The following SCD variants were observed in gnomAD, a reference collection of about 807,000 sequenced individuals.
SCD encodes the protein acyl-CoA desaturase.
In SCD, 4 loss-of-function variants were observed where a neutral mutation model predicts 35.7. The ratio of observed to expected loss-of-function variants is 0.11; its 90% CI spans 0.06 to 0.26. The LOEUF is 0.26. Ranked by LOEUF, SCD falls within the 10% of genes least tolerant of loss-of-function variation. SCD has a pLI of 1.00. For synonymous variants in SCD, 150 were observed against 170.2 expected, an observed-to-expected ratio of 0.88 and a Z score of 0.92; for missense variants, 282 against 460.7, an observed-to-expected ratio of 0.61 and a Z score of 3.55.
At chr10:100,358,572 C>T (rs1173761858) in intron 5 of SCD, among the ~76,000 whole-genome samples, 1 of 129,988 alleles carries the variant, frequency 7.7e-6, no homozygotes, top group East Asian at 2.3e-4. Context: ...GCAGTCCGGC[C>T]TGGGCGACAG....
chr10:100,348,381 C>G, intron 2 of SCD, 35 bp downstream of exon 2: 1 of 1,593,698 alleles, frequency 6.3e-7, no homozygotes, highest in East Asian at 2.2e-5. Flanking sequence ...ACCTAGTCCT[C>G]CAGGTACTCA....
In SCD at chr10:100,352,632, TTCCAGTTCAG is replaced by T. The variant is rs1849884038; in HGVS notation, c.441+140_441+149del. On this transcript the variant is annotated intron_variant, in intron 3 of 5. Transcript: ENST00000370355. The surrounding 1 kb of genome is among the most constrained non-coding windows in gnomAD (Gnocchi z 4.2). ...TCCTCTCTCCTGTAGTCACCTCAAGTTCCAGTTCAGTCCTTAAGTCCATAAAGCATGAAGA... is the reference window on the plus strand; with the variant it reads ...TCCTCTCTCCTGTAGTCACCTCAAGTTCCTTAAGTCCATAAAGCATGAAGA... The T allele has an allele frequency of 3.7e-6, 3 of 812,978 alleles. No homozygotes were observed. Among genetic ancestry groups the T allele is most frequent in the Admixed American group, 4.4e-5 (2 of 45,718 alleles). The allele number at this position is 812,978 out of a possible 1,614,324, so 50.4% of individuals were successfully genotyped here. A position where few individuals can be genotyped will look rare whatever the true frequency, so the allele number is the denominator to read the frequency against.
At chr10:100,358,186 A>G (rs1849948634) in intron 5 of SCD, among the ~76,000 whole-genome samples, 1 of 151,972 alleles carries the variant, frequency 6.6e-6, no homozygotes, top group Non-Finnish European at 1.5e-5. Context: ...TTTTTTGTAG[A>G]GACATGGTTT....
rs1336560358 is a variant in SCD, at chr10:100,360,803, T to C, written c.950T>C (p.Ile317Thr). Residue 317 changes from isoleucine (I) to threonine (T), a missense_variant, in exon 6 of 6, where the codon ATC becomes ACC. Ile to Thr is a moderately conservative substitution (Grantham distance 89, BLOSUM62 -1). Coordinates refer to ENST00000370355, the MANE Select transcript of SCD (RefSeq NM_005063.5). Reference protein sequence around the residue: ...DYSASEYRWHINFTTFFIDCM... With the variant: ...DYSASEYRWHTNFTTFFIDCM... ...TCTGCCAGTGAGTACCGCTGGCACA[T>C]CAACTTCACCACATTCTTCATTGAT... 5 of 1,613,998 alleles carry C rather than the reference T, an allele frequency of 3.1e-6. No individual in the cohort carries two copies. Among genetic ancestry groups the C allele is most frequent in the East Asian group, 4.5e-5 (2 of 44,884 alleles).
Position 100,347,446 on chromosome 10 carries a change from C to A in SCD, c.-59C>A. 3 of 1,595,454 alleles carry A rather than the reference C, an allele frequency of 1.9e-6. No homozygotes were observed. The highest frequency in any genetic ancestry group is 2.3e-5 in the East Asian group (1 of 44,250). On this transcript the variant is annotated 5_prime_UTR_variant, in exon 1 of 6. Coordinates refer to ENST00000370355, the MANE Select transcript of SCD (RefSeq NM_005063.5). ...CGAAACCGCAGTCCTCCGGCGACCC[C>A]GAACTCCGCTCCGGAGCCTCAGCCC...
In SCD at chr10:100,364,420, A is replaced by G; in HGVS notation, c.*3487A>G. On this transcript the variant is annotated 3_prime_UTR_variant, in exon 6 of 6. Transcript: ENST00000370355. ...CTACCTCAAAGGGCAGTTTTGAGGC[A>G]TGACTAATGCTTTTTAGAAAGCATT... The G allele has an allele frequency of 6.5e-6, 1 of 152,746 alleles. No homozygotes were observed. Among genetic ancestry groups the G allele is most frequent in the Non-Finnish European group, 1.5e-5 (1 of 68,036 alleles). The allele number at this position is 152,746 out of a possible 1,614,324, so 9.5% of individuals were successfully genotyped here. A position where few individuals can be genotyped will look rare whatever the true frequency, so the allele number is the denominator to read the frequency against.
rs561055767 is a variant in SCD, at chr10:100,352,292, A to C, written c.311-74A>C. The C allele has an allele frequency of 6.7e-7, 1 of 1,494,246 alleles. No individual in the cohort carries two copies. The highest frequency in any genetic ancestry group is 1.4e-5 in the African/African-American group (1 of 72,560). The allele number at this position is 1,494,246 out of a possible 1,614,324, so 92.6% of individuals were successfully genotyped here. A position where few individuals can be genotyped will look rare whatever the true frequency, so the allele number is the denominator to read the frequency against. ...GACGAAGACAGTTTCTAGCATCCAG[A>C]GAGTGTCTCTGGCATCCTTTCCCAG... is the stretch of plus-strand genomic sequence containing the variant. On this transcript the variant is annotated intron_variant, in intron 2 of 5. Coordinates refer to ENST00000370355, the MANE Select transcript of SCD (RefSeq NM_005063.5). This position sits in a 1 kb window ranked among gnomAD's most constrained non-coding sequence, Gnocchi z 4.2.
chr10:100,356,449 C>G lies in SCD; in HGVS notation c.648-83C>G. On this transcript the variant is annotated intron_variant, in intron 4 of 5. Coordinates refer to ENST00000370355, the MANE Select transcript of SCD (RefSeq NM_005063.5). The surrounding 1 kb of genome is among the most constrained non-coding windows in gnomAD (Gnocchi z 4.1). Reference sequence around the variant, plus strand: ...CAATTCAACATGGAAGAAAGACAGCCCATCCCCTCCCAATTAGTGTGGAAG... The same window carrying G: ...CAATTCAACATGGAAGAAAGACAGCGCATCCCCTCCCAATTAGTGTGGAAG... 1 of 883,004 alleles carries G rather than the reference C, an allele frequency of 1.1e-6. No homozygotes were observed. Among genetic ancestry groups the G allele is most frequent in the Non-Finnish European group, 1.8e-6 (1 of 542,332 alleles). The allele number at this position is 883,004 out of a possible 1,614,324, so 54.7% of individuals were successfully genotyped here.
rs1849928002 is a variant in SCD at position 100,356,410 on chromosome 10, T to A, written c.648-122T>A. 1 of 736,126 alleles carries A rather than the reference T, an allele frequency of 1.4e-6. No homozygotes were observed. The highest frequency in any genetic ancestry group is 2.4e-6 in the Non-Finnish European group (1 of 425,000). The allele number at this position is 736,126 out of a possible 1,614,324, so 45.6% of individuals were successfully genotyped here. On this transcript the variant is annotated intron_variant, in intron 4 of 5. Transcript: ENST00000370355. This position sits in a 1 kb window ranked among gnomAD's most constrained non-coding sequence, Gnocchi z 4.1. ...ACAAAAATAAATAAAACAATGAACT[T>A]AGAGTCAGACAAGCAATTCAACATG... is the stretch of plus-strand genomic sequence containing the variant.
intron 3 of SCD, among the ~76,000 whole-genome samples, chr10:100,353,098 G>A (rs1276612202): frequency 6.6e-6 from 1 of 152,152 alleles, no homozygotes; most frequent in East Asian, 1.9e-4. Context: ...CACTTTTATT[G>A]CACTGACTAT....
rs991706613 is a variant in SCD, at chr10:100,352,618, G to A, written c.441+122G>A. The A allele has an allele frequency of 3.7e-5, 34 of 916,128 alleles. No individual in the cohort carries two copies. The African/African-American group carries it at 5.6e-4, about 15-fold the overall frequency. The allele number at this position is 916,128 out of a possible 1,614,324, so 56.7% of individuals were successfully genotyped here. Reference sequence around the variant, plus strand: ...CAGCCATTTCACTTTCCTCTCTCCTGTAGTCACCTCAAGTTCCAGTTCAGT... The same window carrying A: ...CAGCCATTTCACTTTCCTCTCTCCTATAGTCACCTCAAGTTCCAGTTCAGT... On this transcript the variant is annotated intron_variant, in intron 3 of 5. Transcript: ENST00000370355. This position sits in a 1 kb window ranked among gnomAD's most constrained non-coding sequence, Gnocchi z 4.2.
In SCD at chr10:100,347,927, C is replaced by T. The variant is rs1209121205; in HGVS notation, c.28-137C>T. The T allele has an allele frequency of 9.2e-6, 8 of 873,888 alleles. No homozygotes were observed. The East Asian group carries it at 9.8e-5, about 11-fold the overall frequency. 54.1% of individuals were successfully genotyped at this position (873,888 alleles called of 1,614,324 possible). A position where few individuals can be genotyped will look rare whatever the true frequency, so the allele number is the denominator to read the frequency against. On this transcript the variant is annotated intron_variant, in intron 1 of 5. Coordinates refer to ENST00000370355, the MANE Select transcript of SCD (RefSeq NM_005063.5). ...TTTTCTCCGTTGCGTCTCGGATACA[C>T]CCTACCCTCAGTGAACTACGGCGCT...
chr10:100,363,653 C>T lies in SCD; in HGVS notation c.*2720C>T, dbSNP rs916494754. 4 of 152,512 alleles carry T rather than the reference C, an allele frequency of 2.6e-5. No individual in the cohort carries two copies. Among genetic ancestry groups the T allele is most frequent in the African/African-American group, 7.2e-5 (3 of 41,558 alleles). 9.4% of individuals were successfully genotyped at this position (152,512 alleles called of 1,614,324 possible). On this transcript the variant is annotated 3_prime_UTR_variant, in exon 6 of 6. Coordinates refer to ENST00000370355, the MANE Select transcript of SCD (RefSeq NM_005063.5). ...GCCATGGATCTGATCTGTACCATGACCCTACATAAGGCTGGATGGCACCTC... is the reference window on the plus strand; with the variant it reads ...GCCATGGATCTGATCTGTACCATGATCCTACATAAGGCTGGATGGCACCTC...
In SCD at chr10:100,356,543, C is replaced by G; in HGVS notation, c.659C>G (p.Pro220Arg). ...LVMFQRRYYKPGLLMMCFILP... is the reference protein window; with the variant it reads ...LVMFQRRYYKRGLLMMCFILP... ...GTCTGTCAATGTAGGTACTACAAACCTGGCTTGCTGATGATGTGCTTCATC... is the reference window on the plus strand; with the variant it reads ...GTCTGTCAATGTAGGTACTACAAACGTGGCTTGCTGATGATGTGCTTCATC... Residue 220 changes from proline (P) to arginine (R), a missense_variant, in exon 5 of 6, where the codon CCT becomes CGT. Pro to Arg is a moderately radical substitution (Grantham distance 103, BLOSUM62 -2). Coordinates refer to ENST00000370355, the MANE Select transcript of SCD (RefSeq NM_005063.5). This position sits in a 1 kb window ranked among gnomAD's most constrained non-coding sequence, Gnocchi z 4.1. 1 of 1,613,958 alleles carries G rather than the reference C, an allele frequency of 6.2e-7. No individual in the cohort carries two copies. The highest frequency in any genetic ancestry group is 8.5e-7 in the Non-Finnish European group (1 of 1,179,830).
In SCD at chr10:100,363,439, G is replaced by C. The variant is rs1416274575; in HGVS notation, c.*2506G>C. ...GTTAGCCTGGACTAAAGGCATCCTT[G>C]TCTTTTGAGCTATTCACCTCAGTAG... On this transcript the variant is annotated 3_prime_UTR_variant, in exon 6 of 6. Coordinates refer to ENST00000370355, the MANE Select transcript of SCD (RefSeq NM_005063.5). 6.6e-6 allele frequency: 1 copy of C among 152,202 alleles called. No individual in the cohort carries two copies. Among genetic ancestry groups the C allele is most frequent in the African/African-American group, 2.4e-5 (1 of 41,426 alleles). The allele number at this position is 152,202 out of a possible 1,614,324, so 9.4% of individuals were successfully genotyped here. A position where few individuals can be genotyped will look rare whatever the true frequency, so the allele number is the denominator to read the frequency against.
chr10:100,349,087 G>A (rs1849843074), intron 2 of SCD, among the ~76,000 whole-genome samples: 1 of 152,180 alleles, frequency 6.6e-6, no homozygotes, highest in Admixed American at 6.5e-5. Context: ...GCCATGAAGT[G>A]CCAAGAATTC....
chr10:100,347,427 C>T lies in SCD; in HGVS notation c.-78C>T. Reference sequence around the variant, plus strand: ...AGCGCGTACCGGCGGGCTTCGAAACCGCAGTCCTCCGGCGACCCCGAACTC... The same window carrying T: ...AGCGCGTACCGGCGGGCTTCGAAACTGCAGTCCTCCGGCGACCCCGAACTC... On this transcript the variant is annotated 5_prime_UTR_variant, in exon 1 of 6. Transcript: ENST00000370355. 12 of 1,510,258 alleles carry T rather than the reference C, an allele frequency of 7.9e-6. No individual in the cohort carries two copies. The South Asian group carries it at 1.4e-4, about 18-fold the overall frequency. The allele number at this position is 1,510,258 out of a possible 1,614,324, so 93.6% of individuals were successfully genotyped here.
intron 3 of SCD, 64 bp from the exon 4 acceptor site, chr10:100,354,359 GTCCA>G: frequency 7.2e-7 from 1 of 1,389,682 alleles, no homozygotes; most frequent in Non-Finnish European, 1.0e-6. Flanking sequence ...CTTGATACCT[GTCCA>G]TTGGGATTCT....
At chr10:100,357,609 T>A (rs1280493921) in intron 5 of SCD, among the ~76,000 whole-genome samples, 3 of 152,202 alleles carry the variant, frequency 2.0e-5, no homozygotes, top group African/African-American at 7.2e-5. Context: ...TTCTCTAATG[T>A]TGATCTTATC....
Sources: allele counts gnomAD v4.1 joint callset (sites outside exome capture counted in the v4.1 genomes callset), GRCh38; gene constraint gnomAD v4.1.1; non-coding constraint Gnocchi (gnomAD v3.1); transcripts MANE v1.5; gene names NCBI Gene and HGNC (gene_info 2026-07-23, HGNC 2026-07-21).